PTPRC: variants seen among roughly 807,000 people sequenced by gnomAD.
PTPRC encodes protein tyrosine phosphatase receptor type C, also known as receptor-type tyrosine-protein phosphatase C.
In PTPRC, 44 loss-of-function variants were observed where a neutral mutation model predicts 155.9. That is an observed-to-expected ratio of 0.28 (90% CI 0.22 to 0.36). The LOEUF (loss-of-function observed/expected upper bound fraction) is 0.36. Among genes scored for constraint, PTPRC ranks in the 10% least tolerant of loss-of-function variants. The pLI is 1.00. For missense variants in PTPRC, 1,401 were observed against 1,564.6 expected, an observed-to-expected ratio of 0.90 and a Z score of 1.76; for synonymous variants, 525 against 533.1, an observed-to-expected ratio of 0.98 and a Z score of 0.21.
chr1:198,666,746 A>G (rs1449026172), intron 2 of PTPRC, among the ~76,000 whole-genome samples: 2 of 152,176 alleles, frequency 1.3e-5, no homozygotes, highest in Non-Finnish European at 2.9e-5. Flanking sequence ...CACCAATAAT[A>G]TATTTATTAA....
intron 3 of PTPRC, chr1:198,692,635 A>G: frequency 1.0e-6 from 1 of 993,068 alleles, no homozygotes; most frequent in Non-Finnish European, 1.2e-6. Flanking sequence ...AGTAAATCAC[A>G]CAACAGGTTT....
chr1:198,661,201 T>G (rs1663942263), intron 2 of PTPRC, among the ~76,000 whole-genome samples: 1 of 152,048 alleles, frequency 6.6e-6, no homozygotes, highest in Non-Finnish European at 1.5e-5. Flanking sequence ...TTAAACATTC[T>G]TAAACATAAA....
intron 2 of PTPRC, among the ~76,000 whole-genome samples, chr1:198,658,786 T>C (rs1237762271): frequency 6.6e-6 from 1 of 152,034 alleles, no homozygotes; most frequent in African/African-American, 2.4e-5. Flanking sequence ...TTGTGTCCCC[T>C]TAGAGAGTGT....
At chr1:198,732,269 C>CT (rs767815431) in intron 18 of PTPRC, 31 bp from the exon 19 acceptor site, 2 of 1,528,836 alleles carry the variant, frequency 1.3e-6, no homozygotes, top group South Asian at 2.2e-5. Context: ...CCTGAATCTG[C>CT]TGTGATCCAA....
chr1:198,683,554 AATATGGGT>A (rs1463364455), intron 2 of PTPRC, among the ~76,000 whole-genome samples: 11 of 152,094 alleles, frequency 7.2e-5, no homozygotes, highest in Admixed American at 6.5e-4. Context: ...TTAAAAAGAG[AATATGGGT>A]AAGGAAGCAT....
chr1:198,653,413 T>A (rs1037747012), intron 2 of PTPRC, among the ~76,000 whole-genome samples: 2 of 151,870 alleles, frequency 1.3e-5, no homozygotes, highest in African/African-American at 4.8e-5. Context: ...GGTTTTTCAC[T>A]TTAAGAATTG....
intron 2 of PTPRC, among the ~76,000 whole-genome samples, chr1:198,658,057 T>C (rs1433194784): frequency 2.6e-5 from 4 of 152,158 alleles, no homozygotes; most frequent in Admixed American, 6.6e-5. Flanking sequence ...CCATCCTACA[T>C]GCCCACAGGG....
intron 11 of PTPRC, among the ~76,000 whole-genome samples, chr1:198,710,861 T>G (rs955130375): frequency 6.6e-6 from 1 of 152,236 alleles, no homozygotes; most frequent in Admixed American, 6.5e-5. Context: ...AATTTTGTTT[T>G]GTTTTGATTT....
intron 2 of PTPRC, among the ~76,000 whole-genome samples, chr1:198,642,704 T>G (rs1465619089): frequency 1.3e-5 from 2 of 151,988 alleles, no homozygotes; most frequent in African/African-American, 4.8e-5. Flanking sequence ...TGTAATAGTT[T>G]TTTTAATCAG....
At chr1:198,640,871 C>G (rs1662540189) in intron 2 of PTPRC, among the ~76,000 whole-genome samples, 1 of 151,876 alleles carries the variant, frequency 6.6e-6, no homozygotes, top group South Asian at 2.1e-4. Context: ...CCTGAATAGA[C>G]CAAATATCCT....
chr1:198,708,022 A>G, intron 9 of PTPRC, 111 bp from the exon 10 acceptor site: 2 of 983,086 alleles, frequency 2.0e-6, no homozygotes, highest in East Asian at 5.2e-5. Context: ...GCCAAATTCT[A>G]TGTCATTAGC....
intron 14 of PTPRC, among the ~76,000 whole-genome samples, chr1:198,721,947 G>GTGT (rs1653909632): frequency 6.6e-6 from 1 of 151,164 alleles, no homozygotes; most frequent in African/African-American, 2.4e-5. Context: ...TGAGACACAG[G>GTGT]TGTTTATGCA....
At chr1:198,674,370 AT>A (rs1209788851) in intron 2 of PTPRC, among the ~76,000 whole-genome samples, 42 of 152,162 alleles carry the variant, frequency 2.8e-4, no homozygotes, top group Non-Finnish European at 2.9e-5. Context: ...GCTTTATTAT[AT>A]TTTTTAAATG....
chr1:198,703,511 C>T, intron 7 of PTPRC, 139 bp downstream of exon 7: 1 of 1,333,644 alleles, frequency 7.5e-7, no homozygotes, highest in South Asian at 1.2e-5. Flanking sequence ...GGTGATGGAA[C>T]AGCAGGAAGA....
chr1:198,663,185 T>G (rs1317153303), intron 2 of PTPRC, among the ~76,000 whole-genome samples: 4 of 152,360 alleles, frequency 2.6e-5, no homozygotes, highest in South Asian at 2.1e-4. Context: ...TGTGTAATTT[T>G]GAATTTCTTA....
chr1:198,734,694 A>G (rs1190451380), intron 22 of PTPRC, among the ~76,000 whole-genome samples: 1 of 151,904 alleles, frequency 6.6e-6, no homozygotes, highest in Admixed American at 6.6e-5. Flanking sequence ...CAGTATTGTT[A>G]TAAGTTCAGT....
chr1:198,646,774 A>T (rs1161991113), intron 2 of PTPRC, among the ~76,000 whole-genome samples: 1 of 151,878 alleles, frequency 6.6e-6, no homozygotes, highest in Non-Finnish European at 1.5e-5. Context: ...TCCTCTTATT[A>T]GCTTTCACAC....
intron 15 of PTPRC, 38 bp from the exon 16 acceptor site, chr1:198,728,302 G>T: frequency 6.5e-7 from 1 of 1,537,756 alleles, no homozygotes; most frequent in South Asian, 1.1e-5. Context: ...CAAGTTATTT[G>T]ACAATCGTTC....
chr1:198,717,964 A>C (rs1653675332), intron 13 of PTPRC, 130 bp from the exon 14 acceptor site: 1 of 773,016 alleles, frequency 1.3e-6, no homozygotes, highest in African/African-American at 1.7e-5. Flanking sequence ...TTTATGTACT[A>C]TCATAACTTC....
Sources: gnomAD v4.1 joint callset for allele counts (sites outside exome capture counted in the v4.1 genomes callset) on GRCh38, gnomAD v4.1.1 for gene constraint, MANE v1.5 for transcripts, NCBI Gene and HGNC (gene_info 2026-07-23, HGNC 2026-07-21) for gene names.